ARHGEF3: variants seen among roughly 807,000 people sequenced by gnomAD.
ARHGEF3 encodes the protein Rho guanine nucleotide exchange factor 3.
ARHGEF3 carries 28 observed loss-of-function variants against 63.2 expected under a neutral mutation model. That is an observed-to-expected ratio of 0.44 (90% CI 0.33 to 0.61). The LOEUF is 0.61. Among genes scored for constraint, ARHGEF3 ranks in the 20% least tolerant of loss-of-function variants. ARHGEF3 has a pLI of 0.03. For synonymous variants in ARHGEF3, 266 were observed against 254.2 expected (o/e 1.05, Z -0.44); for missense variants, 533 against 659.3 (o/e 0.81, Z 2.10).
intron 2 of ARHGEF3, among the ~76,000 whole-genome samples, chr3:56,996,089 C>A (rs1338931570): frequency 6.6e-6 from 1 of 152,070 alleles, no homozygotes; most frequent in African/African-American, 2.4e-5. Context: ...TGCCTTTAAT[C>A]CCCATCATCA....
At chr3:57,032,971 C>T (rs972996716) in intron 2 of ARHGEF3, among the ~76,000 whole-genome samples, 1 of 152,116 alleles carries the variant, frequency 6.6e-6, no homozygotes, top group African/African-American at 2.4e-5. Flanking sequence ...CTTATGGCAC[C>T]ATCAGGAGAT....
intron 4 of ARHGEF3, among the ~76,000 whole-genome samples, chr3:56,876,826 C>T (rs1255383159): frequency 6.6e-6 from 1 of 152,208 alleles, no homozygotes; most frequent in Non-Finnish European, 1.5e-5. Context: ...CCATCCCCAC[C>T]AGTCAAGAGA....
At chr3:56,967,382 TAC>T (rs1392452459) in intron 2 of ARHGEF3, among the ~76,000 whole-genome samples, 1 of 57,774 alleles carries the variant, frequency 1.7e-5, no homozygotes, top group Non-Finnish European at 2.9e-5. Flanking sequence ...TTATATATTA[TAC>T]ATATTATATA....
intron 2 of ARHGEF3, among the ~76,000 whole-genome samples, chr3:57,014,532 A>G (rs1702891497): frequency 6.8e-6 from 1 of 147,328 alleles, no homozygotes; most frequent in South Asian, 2.1e-4. Flanking sequence ...TTCTCACAAT[A>G]CTCACTGATT....
intron 4 of ARHGEF3, among the ~76,000 whole-genome samples, chr3:56,820,586 T>C (rs2038448948): frequency 6.6e-6 from 1 of 152,110 alleles, no homozygotes; most frequent in South Asian, 2.1e-4. Context: ...AGAGATCACT[T>C]GAGCATAGGA....
intron 2 of ARHGEF3, among the ~76,000 whole-genome samples, chr3:56,759,428 C>T (rs150798969): frequency 0.011 from 1,711 of 152,262 alleles, 28 homozygotes; most frequent in African/African-American, 0.037. Flanking sequence ...CTTGGCCTCC[C>T]GAAGTGCTGG....
chr3:56,747,933 A>C (rs1443271923), intron 6 of ARHGEF3, among the ~76,000 whole-genome samples: 1 of 152,180 alleles, frequency 6.6e-6, no homozygotes, highest in Non-Finnish European at 1.5e-5. Context: ...TGTATATACT[A>C]ATGTCCCCCT....
In ARHGEF3 at chr3:56,747,681, G is replaced by A. The variant is rs571456729; in HGVS notation, c.613-2219C>T. The stretch of plus-strand genomic sequence containing the variant: ...TTACTAAAATATATAAAAATTAGCC[G>A]GGCATAGTGGTGCATGCCTGTAATC... On this transcript the variant is annotated intron_variant, in intron 6 of 9. Coordinates refer to ENST00000296315, the MANE Select transcript of ARHGEF3 (RefSeq NM_019555.3). Among the ~76,000 whole-genome samples the A allele has an allele frequency of 6.6e-5, 10 of 152,230 alleles. No individual in the cohort carries two copies. In the East Asian group the frequency reaches 7.7e-4, roughly 12 times the overall value.
chr3:57,028,980 GACACACACACACAC>G (rs58006138), intron 2 of ARHGEF3, among the ~76,000 whole-genome samples: 1 of 142,146 alleles, frequency 7.0e-6, no homozygotes, highest in East Asian at 2.1e-4. Context: ...TAATGGTGAA[GACACACACACACAC>G]ACACACACAC....
At chr3:56,849,090 T>G (rs763277700) in intron 4 of ARHGEF3, among the ~76,000 whole-genome samples, 1 of 152,216 alleles carries the variant, frequency 6.6e-6, no homozygotes, top group Non-Finnish European at 1.5e-5. Context: ...AGAGCTTTAT[T>G]TTTATCTTAA....
intron 2 of ARHGEF3, among the ~76,000 whole-genome samples, chr3:56,992,375 TAAAAAAAAAAAAAAAAAAAAA>T (rs57740672): frequency 0.11 from 4,862 of 46,264 alleles, 492 homozygotes; most frequent in East Asian, 0.54. Flanking sequence ...AGGATGGCTT[TAAAAAAAAAAAAAAAAAAAAA>T]AAAAAAAAAA....
chr3:56,940,421 T>G (rs1317224308), intron 3 of ARHGEF3, among the ~76,000 whole-genome samples: 1 of 152,174 alleles, frequency 6.6e-6, no homozygotes, highest in Admixed American at 6.5e-5. Context: ...AACTCAAAAA[T>G]GCAAATCTGC....
At chr3:56,987,006 G>C (rs1163579293) in intron 2 of ARHGEF3, among the ~76,000 whole-genome samples, 2 of 152,098 alleles carry the variant, frequency 1.3e-5, no homozygotes, top group Non-Finnish European at 2.9e-5. Flanking sequence ...GAGGCCAGGA[G>C]TTCGAGACCT....
At chr3:57,077,476 C>T (rs922906552) in intron 1 of ARHGEF3, among the ~76,000 whole-genome samples, 6 of 152,092 alleles carry the variant, frequency 3.9e-5, no homozygotes, top group Non-Finnish European at 7.4e-5. Flanking sequence ...GCTCCAGGTT[C>T]AGAGCTCTTA....
chr3:56,993,101 C>G (rs576523146), intron 2 of ARHGEF3, among the ~76,000 whole-genome samples: 8 of 152,296 alleles, frequency 5.3e-5, no homozygotes, highest in African/African-American at 1.9e-4. Flanking sequence ...TCCCAAAGTG[C>G]TGGAATTACA....
chr3:56,755,255 G>A, intron 2 of ARHGEF3, 104 bp from the exon 3 acceptor site: 2 of 1,309,794 alleles, frequency 1.5e-6, no homozygotes, highest in South Asian at 1.3e-5. Flanking sequence ...ATATGTGAAA[G>A]AAAAAGAGGA....
rs773706842 is a variant in ARHGEF3, at chr3:56,796,899, G to A, written c.96+4804C>T. ...TTACTGTGATGATGAAAGGACTTACGGTAAAGCCCCTAATGCACTGCTGTG... is the reference window on the plus strand; with the variant it reads ...TTACTGTGATGATGAAAGGACTTACAGTAAAGCCCCTAATGCACTGCTGTG... On this transcript the variant is annotated intron_variant, in intron 1 of 9. Coordinates refer to ENST00000296315, the MANE Select transcript of ARHGEF3 (RefSeq NM_019555.3). 9.2e-5 allele frequency among the ~76,000 whole-genome samples: 14 copies of A among 152,226 alleles called. No individual in the cohort carries two copies. In the East Asian group the frequency reaches 9.6e-4, roughly 10 times the overall value.
At chr3:56,775,976 G>C (rs975740041) in intron 1 of ARHGEF3, among the ~76,000 whole-genome samples, 1 of 152,166 alleles carries the variant, frequency 6.6e-6, no homozygotes, top group Non-Finnish European at 1.5e-5. Flanking sequence ...CGCTGACTCT[G>C]AGTCTTTCTC....
At chr3:56,742,538 G>C (rs926762050) in intron 7 of ARHGEF3, among the ~76,000 whole-genome samples, 6 of 152,104 alleles carry the variant, frequency 3.9e-5, no homozygotes, top group African/African-American at 1.4e-4. Context: ...TTATTCATGG[G>C]ATATTTGTCA....
Sources: gnomAD v4.1 joint callset for allele counts (sites outside exome capture counted in the v4.1 genomes callset) on GRCh38, gnomAD v4.1.1 for gene constraint, MANE v1.5 for transcripts, NCBI Gene and HGNC (gene_info 2026-07-23, HGNC 2026-07-21) for gene names.